FBXW7: variants seen among roughly 807,000 people sequenced by gnomAD.
FBXW7 encodes the protein F-box/WD repeat-containing protein 7.
A neutral mutation model predicts 86.3 loss-of-function variants in FBXW7; 11 were observed. The ratio of observed to expected loss-of-function variants is 0.13; its 90% confidence interval spans 0.08 to 0.21. The LOEUF (loss-of-function observed/expected upper bound fraction) is 0.21. Ranked by LOEUF, FBXW7 falls within the 10% of genes least tolerant of loss-of-function variation. The pLI, the probability that FBXW7 is intolerant of heterozygous loss-of-function variation, is 1.00. For synonymous variants in FBXW7, 313 were observed against 297.9 expected (o/e 1.05, Z -0.52); for missense variants, 488 against 847.4 (o/e 0.58, Z 5.27).
chr4:152,405,023 T>C (rs1326626471), intron 4 of FBXW7, among the ~76,000 whole-genome samples: 1 of 133,166 alleles, frequency 7.5e-6, no homozygotes, highest in African/African-American at 2.9e-5. Flanking sequence ...GCCTGGGAGG[T>C]GGAGGCTGCA....
At chr4:152,500,423 GTTTC>G (rs1746815266) in intron 2 of FBXW7, among the ~76,000 whole-genome samples, 2 of 120,910 alleles carry the variant, frequency 1.7e-5, no homozygotes, top group Admixed American at 2.3e-4. Context: ...GCAAAAGCAT[GTTTC>G]TTTCTCTCTC....
chr4:152,328,422 T>A (rs745400931), intron 10 of FBXW7, 33 bp from the exon 11 acceptor site: 21 of 1,363,276 alleles, frequency 1.5e-5, no homozygotes, highest in Non-Finnish European at 1.9e-5. Context: ...TACTTTTGGG[T>A]AGAAAGGAAA....
intron 4 of FBXW7, among the ~76,000 whole-genome samples, chr4:152,361,687 T>C (rs1732957263): frequency 2.0e-5 from 3 of 152,076 alleles, no homozygotes; most frequent in Admixed American, 6.6e-5. Flanking sequence ...GTTTGAAAAC[T>C]AACTTTTGAC....
intron 2 of FBXW7, among the ~76,000 whole-genome samples, chr4:152,457,706 A>T (rs1050292731): frequency 2.6e-5 from 4 of 151,658 alleles, no homozygotes; most frequent in Admixed American, 6.6e-5. Context: ...AAAAAATTAG[A>T]AGATTAAAAT....
At chr4:152,457,966 T>G (rs1224244877) in intron 2 of FBXW7, among the ~76,000 whole-genome samples, 1 of 152,036 alleles carries the variant, frequency 6.6e-6, no homozygotes, top group Non-Finnish European at 1.5e-5. Flanking sequence ...TTCAGGAAAT[T>G]CTTTTAATTT....
chr4:152,398,406 CTAAA>C (rs1030182643), intron 4 of FBXW7, among the ~76,000 whole-genome samples: 27 of 151,512 alleles, frequency 1.8e-4, no homozygotes, highest in African/African-American at 5.6e-4. Flanking sequence ...TTACAAAAAC[CTAAA>C]TATTTTATAT....
intron 4 of FBXW7, among the ~76,000 whole-genome samples, chr4:152,410,988 C>A (rs1737894636): frequency 6.6e-6 from 1 of 152,056 alleles, no homozygotes; most frequent in South Asian, 2.1e-4. Flanking sequence ...ATGTTTCACC[C>A]GAAACCTCTA....
intron 2 of FBXW7, among the ~76,000 whole-genome samples, chr4:152,457,937 T>TA (rs773032798): frequency 0.066 from 9,351 of 142,184 alleles, 402 homozygotes; most frequent in African/African-American, 0.13. Context: ...CCACCCCTAC[T>TA]AAAAAAAAAA....
intron 2 of FBXW7, among the ~76,000 whole-genome samples, chr4:152,469,310 A>G (rs1429819317): frequency 6.6e-6 from 1 of 152,136 alleles, no homozygotes; most frequent in Non-Finnish European, 1.5e-5. Context: ...ACCATAGTAC[A>G]CAGGTATAAA....
At position 152,361,480 on chromosome 4, in the gene FBXW7, CAACTT is replaced by C. The variant is rs534766990; in HGVS notation, c.502-11361_502-11357del. ...TGAAGGTCAATAAATATTTTCAAGACAACTTAACTTGAAAAGGTATCTGAATGTAT... is the reference window on the plus strand; with the variant it reads ...TGAAGGTCAATAAATATTTTCAAGACAACTTGAAAAGGTATCTGAATGTAT... On this transcript the variant is annotated intron_variant, in intron 4 of 13. Transcript: ENST00000281708. Among the ~76,000 whole-genome samples, 206 of 152,170 alleles carry C rather than the reference CAACTT, an allele frequency of 1.4e-3. 2 individuals are homozygous for C. The highest frequency in any genetic ancestry group is 2.5e-3 in the Non-Finnish European group (171 of 67,980).
intron 9 of FBXW7, 89 bp from the exon 10 acceptor site, chr4:152,329,874 G>T: frequency 3.3e-6 from 2 of 601,616 alleles, no homozygotes; most frequent in Non-Finnish European, 5.3e-6. Context: ...GCATAAACAG[G>T]AACAGTAATT....
At chr4:152,332,774 A>G in intron 7 of FBXW7, 55 bp from the exon 8 acceptor site, 1 of 829,882 alleles carries the variant, frequency 1.2e-6, no homozygotes, top group Non-Finnish European at 1.6e-6. Flanking sequence ...TATATATTAT[A>G]TAATAAGTTA....
intron 2 of FBXW7, among the ~76,000 whole-genome samples, chr4:152,449,093 T>C (rs527649780): frequency 4.6e-5 from 7 of 152,358 alleles, no homozygotes; most frequent in African/African-American, 1.4e-4. Context: ...TGCTGCTGCA[T>C]TGCTTTGAGA....
rs759759678 is a variant in FBXW7, at chr4:152,329,705, G to A, written c.1203C>T (p.Asn401=). ...GNRIVSGSDD[N]TLKVWSAVTG... The stretch of plus-strand genomic sequence containing the variant: ...TGACTGCTGACCAAACTTTTAAAGT[G>A]TTGTCATCAGAACCACTAACTATTC... The change falls in exon 10 of 14, where the codon AAC becomes AAT. Residue 401 remains asparagine, a synonymous_variant. Coordinates refer to ENST00000281708, the MANE Select transcript of FBXW7 (RefSeq NM_001349798.2). The A allele has an allele frequency of 2.5e-6, 4 of 1,583,362 alleles. No homozygotes were observed. The highest frequency in any genetic ancestry group is 2.3e-5 in the South Asian group (2 of 86,438).
At chr4:152,340,575 C>CAAAAA (rs556530800) in intron 6 of FBXW7, among the ~76,000 whole-genome samples, 11 of 31,866 alleles carry the variant, frequency 3.5e-4, no homozygotes, top group East Asian at 9.0e-4. Flanking sequence ...AACTCCATCT[C>CAAAAA]AAAAAAAAAA....
rs867727045 is a variant in FBXW7 at position 152,503,664 on chromosome 4, C to T, written c.-120+31277G>A. Among the ~76,000 whole-genome samples, 44 of 146,416 alleles carry T rather than the reference C, an allele frequency of 3.0e-4. No homozygotes were observed. In the East Asian group the frequency reaches 5.1e-3, roughly 17 times the overall value. On this transcript the variant is annotated intron_variant, in intron 2 of 13. Transcript: ENST00000281708. ...GTAGCTGTAAAAAAAAAAAAAAAAT[C>T]AAGAGTGGCATAGATATTTTTTAAT...
At chr4:152,398,704 A>G (rs1009191638) in intron 4 of FBXW7, among the ~76,000 whole-genome samples, 2 of 152,012 alleles carry the variant, frequency 1.3e-5, no homozygotes, top group African/African-American at 4.8e-5. Flanking sequence ...TGATCCATCC[A>G]ACTTGATTCT....
chr4:152,390,992 G>C (rs1197047157), intron 4 of FBXW7, among the ~76,000 whole-genome samples: 1 of 152,030 alleles, frequency 6.6e-6, no homozygotes, highest in Non-Finnish European at 1.5e-5. Context: ...ATCTGAAGGA[G>C]TGCTGGTGCT....
Position 152,329,652 on chromosome 4 carries a change from T to G in FBXW7, c.1236+20A>C. 1 of 1,321,172 alleles carries G rather than the reference T, an allele frequency of 7.6e-7. No individual in the cohort carries two copies. The highest frequency in any genetic ancestry group is 1.0e-6 in the Non-Finnish European group (1 of 952,718). 81.8% of individuals were successfully genotyped at this position (1,321,172 alleles called of 1,614,324 possible). A position where few individuals can be genotyped will look rare whatever the true frequency, so the allele number is the denominator to read the frequency against. ...TACACAAAATTATGACTTTGTGAAGTGTAGGAAGAGTAAACTTACTTTGCC... is the reference window on the plus strand; with the variant it reads ...TACACAAAATTATGACTTTGTGAAGGGTAGGAAGAGTAAACTTACTTTGCC... On this transcript the variant is annotated intron_variant, in intron 10 of 13. Transcript: ENST00000281708.
Sources: allele counts gnomAD v4.1 joint callset (sites outside exome capture counted in the v4.1 genomes callset), GRCh38; gene constraint gnomAD v4.1.1; transcripts MANE v1.5; gene names NCBI Gene and HGNC (gene_info 2026-07-23, HGNC 2026-07-21).